Variants in KLF8 observed in about 807,000 individuals in gnomAD.
The protein encoded by KLF8 is KLF transcription factor 8, also known as Krueppel-like factor 8.
In KLF8, 10 loss-of-function variants were observed where a neutral mutation model predicts 18.2. The ratio of observed to expected loss-of-function variants is 0.55; its 90% CI spans 0.34 to 0.93. The LOEUF (loss-of-function observed/expected upper bound fraction) is 0.93, where lower values mean the gene tolerates loss of function less well. Among genes scored for constraint, KLF8 ranks in the 40% least tolerant of loss-of-function variants. KLF8 has a pLI of 0.02. For synonymous variants in KLF8, 109 were observed against 97.3 expected (o/e 1.12, Z -0.71); for missense variants, 264 against 277.9 (o/e 0.95, Z 0.36).
At chrX:55,948,087 G>T in the KLF8 span, among the ~76,000 whole-genome samples, 1 of 112,133 alleles carries the variant, frequency 8.9e-6, no homozygotes, top group Non-Finnish European at 1.9e-5. Context: ...CAGCAAATAA[G>T]ATAGTGTGCT....
intron 1 of KLF8, among the ~76,000 whole-genome samples, chrX:56,247,517 A>C (rs1013347903): frequency 2.7e-5 from 3 of 112,306 alleles, no homozygotes; most frequent in Non-Finnish European, 5.6e-5. Context: ...TTTTAGCTTA[A>C]AACACAAATC....
the KLF8 span, among the ~76,000 whole-genome samples, chrX:56,183,010 C>T: frequency 3.6e-5 from 4 of 112,552 alleles, no homozygotes; most frequent in South Asian, 3.6e-4. Flanking sequence ...CAGACATGGA[C>T]GTTTAAGTCT....
At chrX:56,114,396 G>T in the KLF8 span, among the ~76,000 whole-genome samples, 3 of 112,930 alleles carry the variant, frequency 2.7e-5, no homozygotes, top group Non-Finnish European at 5.6e-5. Context: ...ATATCGCTCT[G>T]CTGCGAACTT....
At chrX:56,032,640 G>A in the KLF8 span, among the ~76,000 whole-genome samples, 22 of 112,208 alleles carry the variant, frequency 2.0e-4, no homozygotes, top group Non-Finnish European at 3.6e-4. Flanking sequence ...AGATTCATCT[G>A]TGTTGTTGTG....
chrX:55,985,170 C>T, the KLF8 span, among the ~76,000 whole-genome samples: 9 of 111,252 alleles, frequency 8.1e-5, no homozygotes, highest in African/African-American at 1.3e-4. Context: ...CGCAATTGCT[C>T]TTGATGTTTT....
the KLF8 span, among the ~76,000 whole-genome samples, chrX:56,210,743 A>G: frequency 9.3e-6 from 1 of 107,008 alleles, no homozygotes; most frequent in Non-Finnish European, 1.9e-5. Flanking sequence ...TTTTACTTTT[A>G]TCTCCTCTGT....
At chrX:56,021,517 G>A in the KLF8 span, among the ~76,000 whole-genome samples, 9 of 110,243 alleles carry the variant, frequency 8.2e-5, no homozygotes, top group African/African-American at 3.0e-4. Flanking sequence ...GGTGCAAGAG[G>A]TTATGCATGT....
At chrX:56,128,344 C>T in the KLF8 span, among the ~76,000 whole-genome samples, 3 of 111,576 alleles carry the variant, frequency 2.7e-5, no homozygotes, top group Non-Finnish European at 5.7e-5. Flanking sequence ...AGTTTATCTT[C>T]TACTTTAGGT....
chrX:55,915,555 C>T, the KLF8 span, among the ~76,000 whole-genome samples: 1 of 111,913 alleles, frequency 8.9e-6, no homozygotes, highest in Non-Finnish European at 1.9e-5. Context: ...GTTCACAAGT[C>T]ACATTCAGGC....
At chrX:56,145,661 T>A in the KLF8 span, among the ~76,000 whole-genome samples, 2 of 112,343 alleles carry the variant, frequency 1.8e-5, no homozygotes, top group Non-Finnish European at 3.8e-5. Flanking sequence ...ACAACATGAA[T>A]GAACCTTAAA....
At chrX:56,053,695 G>A in the KLF8 span, among the ~76,000 whole-genome samples, 1 of 109,895 alleles carries the variant, frequency 9.1e-6, no homozygotes, top group Non-Finnish European at 1.9e-5. Flanking sequence ...CTCATTATTG[G>A]TGTGTTCAGA....
chrX:56,016,072 A>G, the KLF8 span, among the ~76,000 whole-genome samples: 1 of 111,919 alleles, frequency 8.9e-6, no homozygotes, highest in Non-Finnish European at 1.9e-5. Flanking sequence ...CTAGAGATTC[A>G]TACAGTTTCA....
At chrX:56,053,557 T>TTTTTGG in the KLF8 span, among the ~76,000 whole-genome samples, 2,944 of 105,929 alleles carry the variant, frequency 0.028, 125 homozygotes, top group African/African-American at 0.094. Flanking sequence ...TTTTTTTTTT[T>TTTTTGG]GGGGAATAGT....
At chrX:56,253,718 G>A (rs1382635861) in intron 2 of KLF8, among the ~76,000 whole-genome samples, 2 of 95,830 alleles carry the variant, frequency 2.1e-5, no homozygotes, top group Non-Finnish European at 4.3e-5. Flanking sequence ...ATAAATTTTC[G>A]GATTTCGTTT....
chrX:56,097,830 C>A, the KLF8 span, among the ~76,000 whole-genome samples: 1 of 107,973 alleles, frequency 9.3e-6, no homozygotes, highest in African/African-American at 3.4e-5. Flanking sequence ...TCTAAAAAAA[C>A]CCTACAGTTA....
the KLF8 span, among the ~76,000 whole-genome samples, chrX:56,170,303 G>A: frequency 1.8e-5 from 2 of 110,127 alleles, no homozygotes; most frequent in Admixed American, 2.0e-4. Flanking sequence ...CAAGCATCAA[G>A]ACCATCCAGG....
the KLF8 span, among the ~76,000 whole-genome samples, chrX:56,128,582 A>G: frequency 9.0e-6 from 1 of 111,709 alleles, no homozygotes; most frequent in Non-Finnish European, 1.9e-5. Context: ...TATTTGACAT[A>G]ATATAGGAAG....
the KLF8 span, among the ~76,000 whole-genome samples, chrX:56,051,075 A>T: frequency 1.8e-5 from 2 of 110,021 alleles, no homozygotes; most frequent in Non-Finnish European, 3.8e-5. Flanking sequence ...GTTTTATCAG[A>T]GACTAGGATT....
the KLF8 span, among the ~76,000 whole-genome samples, chrX:56,148,197 G>C: frequency 9.0e-6 from 1 of 111,596 alleles, no homozygotes; most frequent in Non-Finnish European, 1.9e-5. Flanking sequence ...TGTTCCTTGA[G>C]CAGGAATTCA....
Sources: gnomAD v4.1 joint callset for allele counts (sites outside exome capture counted in the v4.1 genomes callset) on GRCh38, gnomAD v4.1.1 for gene constraint, MANE v1.5 for transcripts, NCBI Gene and HGNC (gene_info 2026-07-23, HGNC 2026-07-21) for gene names.